Variants in NUP35 observed in about 807,000 individuals in gnomAD.
The protein encoded by NUP35 is nucleoporin NUP35.
NUP35 carries 25 observed loss-of-function variants against 41.5 expected under a neutral mutation model. The ratio of observed to expected loss-of-function variants is 0.60; its 90% CI spans 0.44 to 0.84. NUP35 has a LOEUF of 0.84. Among genes scored for constraint, NUP35 ranks in the 40% least tolerant of loss-of-function variants. NUP35 has a pLI of 0.00. For missense variants in NUP35, 396 were observed against 396.6 expected, an observed-to-expected ratio of 1.00 and a Z score of 0.01; for synonymous variants, 149 against 130.7, an observed-to-expected ratio of 1.14 and a Z score of -0.96.
chr2:183,157,512 T>C lies in NUP35; in HGVS notation c.608T>C (p.Val203Ala), dbSNP rs1159292061. Residue 203 changes from valine to alanine, a missense_variant and splice_region_variant, in exon 6 of 9, where the codon GTG becomes GCG. Physicochemically the swap from Val to Ala is moderately conservative, Grantham distance 64. Transcript: ENST00000295119. ...FAQYGNILKH[V>A]MSNTGNWMHI... is the part of the protein sequence containing the mutation. ...CAGTATGGGAATATCTTAAAACATG[T>C]GGTAAGGCTTAATTTTTTTCAGTTC... The C allele has an allele frequency of 1.3e-6, 2 of 1,599,988 alleles. No homozygotes were observed. Among genetic ancestry groups the C allele is most frequent in the Non-Finnish European group, 1.7e-6 (2 of 1,167,752 alleles).
At chr2:183,149,325 A>G (rs1404155456) in intron 4 of NUP35, among the ~76,000 whole-genome samples, 2 of 152,254 alleles carry the variant, frequency 1.3e-5, no homozygotes, top group Non-Finnish European at 1.5e-5. Context: ...AAATTTAAGT[A>G]TTAACTCATT....
At position 183,158,439 on chromosome 2, in the gene NUP35, A is replaced by G. The variant is rs1685753514; in HGVS notation, c.738+28A>G. 2.6e-6 allele frequency: 4 copies of G among 1,558,852 alleles called. No homozygotes were observed. In the African/African-American group the frequency reaches 4.1e-5, roughly 16 times the overall value. On this transcript the variant is annotated intron_variant, in intron 7 of 8. Transcript: ENST00000295119. ...AAGTTATTGGTGATGTAGGCAAAGTAGCTTAATCTATATGAAGAGCACAAG... is the reference window on the plus strand; with the variant it reads ...AAGTTATTGGTGATGTAGGCAAAGTGGCTTAATCTATATGAAGAGCACAAG...
chr2:183,123,463 T>C (rs1700097476), upstream of NUP35, among the ~76,000 whole-genome samples: 1 of 152,362 alleles, frequency 6.6e-6, no homozygotes, highest in East Asian at 1.9e-4. Flanking sequence ...AAATTTGATT[T>C]CTGTGAACCT....
At chr2:183,129,848 T>A (rs1046263725) in intron 2 of NUP35, among the ~76,000 whole-genome samples, 6 of 152,242 alleles carry the variant, frequency 3.9e-5, no homozygotes, top group Admixed American at 6.5e-5. Flanking sequence ...TGACATTGCA[T>A]GTTCTCTGAT....
intron 4 of NUP35, among the ~76,000 whole-genome samples, chr2:183,138,356 G>C (rs2952361): frequency 0.5 from 73,174 of 147,592 alleles, 19,424 homozygotes; most frequent in African/African-American, 0.69. Flanking sequence ...AGATTGGCAA[G>C]TTTTATAAAG....
chr2:183,134,967 T>A (rs556412305), intron 4 of NUP35, among the ~76,000 whole-genome samples: 2 of 152,260 alleles, frequency 1.3e-5, no homozygotes, highest in South Asian at 4.1e-4. Context: ...TAGAGGCTAC[T>A]TAATGTTTCT....
At chr2:183,149,437 T>G (rs1057449850) in intron 4 of NUP35, among the ~76,000 whole-genome samples, 3 of 106,714 alleles carry the variant, frequency 2.8e-5, no homozygotes, top group Admixed American at 1.6e-4. Context: ...ATTGTTTTTG[T>G]TTTAAAAATC....
chr2:183,144,632 ATGTT>A (rs1473022200), intron 4 of NUP35, among the ~76,000 whole-genome samples: 1 of 152,184 alleles, frequency 6.6e-6, no homozygotes, highest in African/African-American at 2.4e-5. Context: ...CTTAGGAAGA[ATGTT>A]TGAATAGTGA....
chr2:183,128,368 G>A lies in NUP35; in HGVS notation c.122G>A (p.Gly41Glu). The A allele has an allele frequency of 1.9e-6, 3 of 1,613,994 alleles. No homozygotes were observed. Among genetic ancestry groups the A allele is most frequent in the Non-Finnish European group, 1.7e-6 (2 of 1,179,972 alleles). The change falls in exon 2 of 9, where the codon GGG becomes GAG. Residue 41 changes from glycine (G) to glutamate (E), a missense_variant. Gly to Glu is a moderately conservative substitution (Grantham distance 98). Transcript: ENST00000295119. ...NAQFLPGFLM[G>E]DLPAPVTPQP... Reference sequence around the variant, plus strand: ...CAGTTCTTACCTGGATTTTTAATGGGGGATTTGCCAGCTCCGGTGACTCCA... The same window carrying A: ...CAGTTCTTACCTGGATTTTTAATGGAGGATTTGCCAGCTCCGGTGACTCCA...
intron 5 of NUP35, among the ~76,000 whole-genome samples, 199 bp from the exon 6 acceptor site, chr2:183,157,245 C>A (rs1685696322): frequency 6.6e-6 from 1 of 152,064 alleles, no homozygotes; most frequent in African/African-American, 2.4e-5. Context: ...CAGGATAAGA[C>A]TAACTTTAAG....
intron 4 of NUP35, among the ~76,000 whole-genome samples, chr2:183,151,283 TATC>T (rs1202114691): frequency 2.6e-5 from 4 of 152,320 alleles, no homozygotes; most frequent in Middle Eastern, 6.8e-3. Flanking sequence ...TTAGATAATT[TATC>T]ATACATAATA....
intron 4 of NUP35, among the ~76,000 whole-genome samples, chr2:183,146,150 C>T (rs138142568): frequency 0.054 from 8,207 of 152,140 alleles, 284 homozygotes; most frequent in Middle Eastern, 0.082. Context: ...ACAGGAGAAA[C>T]GCTTGAACCC....
At chr2:183,142,699 T>C (rs112966910) in intron 4 of NUP35, among the ~76,000 whole-genome samples, 11,744 of 151,762 alleles carry the variant, frequency 0.077, 538 homozygotes, top group South Asian at 0.17. Context: ...AGGCTGGTCT[T>C]GAACTCCTGA....
upstream of NUP35, chr2:183,124,354 T>C (rs1251108317): frequency 1.9e-6 from 3 of 1,598,600 alleles, no homozygotes; most frequent in Non-Finnish European, 2.6e-6. Flanking sequence ...GTCCGGAAGT[T>C]ACGCAACCCC....
intron 5 of NUP35, among the ~76,000 whole-genome samples, chr2:183,155,282 A>T (rs1031609827): frequency 6.6e-6 from 1 of 152,230 alleles, no homozygotes; most frequent in Non-Finnish European, 1.5e-5. Flanking sequence ...TATTCAATTT[A>T]TTTAAAATTA....
chr2:183,159,842 G>T, intron 8 of NUP35, 190 bp downstream of exon 8: 2 of 465,700 alleles, frequency 4.3e-6, no homozygotes, highest in Non-Finnish European at 7.4e-6. Flanking sequence ...AAGTTATCAT[G>T]AATTAAAAAA....
chr2:183,133,096 T>C (rs1056402023), intron 3 of NUP35, among the ~76,000 whole-genome samples: 1 of 152,224 alleles, frequency 6.6e-6, no homozygotes, highest in Non-Finnish European at 1.5e-5. Flanking sequence ...TTTGGAACTT[T>C]CTACTGGTAG....
intron 3 of NUP35, 37 bp from the exon 4 acceptor site, chr2:183,133,529 T>C (rs570448282): frequency 6.5e-7 from 1 of 1,545,298 alleles, no homozygotes; most frequent in African/African-American, 1.4e-5. Flanking sequence ...ATTTATGTTT[T>C]GCATTTTTAC....
intron 4 of NUP35, among the ~76,000 whole-genome samples, chr2:183,139,335 G>A (rs1399341773): frequency 6.6e-6 from 1 of 151,128 alleles, no homozygotes; most frequent in African/African-American, 2.4e-5. Flanking sequence ...ACCTCCCATA[G>A]TGCTGGAATT....
Sources: gnomAD v4.1 joint callset for allele counts (sites outside exome capture counted in the v4.1 genomes callset) on GRCh38, gnomAD v4.1.1 for gene constraint, MANE v1.5 for transcripts, NCBI Gene and HGNC (gene_info 2026-07-23, HGNC 2026-07-21) for gene names.